Variants in ZBTB20 observed in about 807,000 individuals in gnomAD.
ZBTB20 encodes the protein zinc finger and BTB domain containing 20.
In ZBTB20, 9 loss-of-function variants were observed where a neutral mutation model predicts 56.9. The observed-to-expected ratio is 0.16, with a 90% CI of 0.10 to 0.28. ZBTB20 has a LOEUF of 0.28. Ranked by LOEUF, ZBTB20 falls within the 10% of genes least tolerant of loss-of-function variation. The pLI is 1.00. For synonymous variants in ZBTB20, 417 were observed against 420.7 expected (o/e 0.99, Z 0.11); for missense variants, 655 against 1,003.0 (o/e 0.65, Z 4.69).
rs1006090171 is a variant in ZBTB20 at position 114,515,823 on chromosome 3, T to C, written c.-294-15432A>G. Reference sequence around the variant, plus strand: ...TCAATTTTCCTACTGCCTGCCAACATGCTTTAGCTGTCTTCATTTAAGGTA... The same window carrying C: ...TCAATTTTCCTACTGCCTGCCAACACGCTTTAGCTGTCTTCATTTAAGGTA... On this transcript the variant is annotated intron_variant, in intron 6 of 11. Transcript: ENST00000675478. Among the ~76,000 whole-genome samples, 6 of 152,180 alleles carry C rather than the reference T, an allele frequency of 3.9e-5. No homozygotes were observed. The East Asian group carries it at 1.2e-3, about 29-fold the overall frequency.
At chr3:114,542,490 T>A (rs2049233650) in intron 6 of ZBTB20, among the ~76,000 whole-genome samples, 1 of 152,114 alleles carries the variant, frequency 6.6e-6, no homozygotes, top group Admixed American at 6.6e-5. Flanking sequence ...AGTAAACAGC[T>A]AAGGCAGGAT....
At chr3:115,057,076 A>T (rs1422669001) in intron 2 of ZBTB20, among the ~76,000 whole-genome samples, 1 of 152,114 alleles carries the variant, frequency 6.6e-6, no homozygotes, top group African/African-American at 2.4e-5. Context: ...ATTATTATAG[A>T]GTCAAAACAG....
chr3:115,053,568 T>A (rs928788180), intron 2 of ZBTB20, among the ~76,000 whole-genome samples: 2 of 152,196 alleles, frequency 1.3e-5, no homozygotes, highest in Non-Finnish European at 2.9e-5. Context: ...AATTTCTTTT[T>A]TAAATGAATG....
chr3:114,674,626 G>T (rs1334987583), intron 6 of ZBTB20, among the ~76,000 whole-genome samples: 1 of 152,078 alleles, frequency 6.6e-6, no homozygotes, highest in Non-Finnish European at 1.5e-5. Context: ...AAATTATTTT[G>T]TAAAATGTGA....
At chr3:114,476,575 A>G (rs1043184529) in intron 7 of ZBTB20, among the ~76,000 whole-genome samples, 5 of 152,180 alleles carry the variant, frequency 3.3e-5, no homozygotes, top group African/African-American at 1.2e-4. Context: ...AGGGCAAGAG[A>G]GCACAAAAGC....
chr3:114,507,582 T>A (rs1318348527), intron 6 of ZBTB20, among the ~76,000 whole-genome samples: 1 of 152,138 alleles, frequency 6.6e-6, no homozygotes, highest in Non-Finnish European at 1.5e-5. Context: ...AATATGCAAG[T>A]GGTAAATAAT....
At chr3:114,472,691 A>G (rs1201559178) in intron 7 of ZBTB20, among the ~76,000 whole-genome samples, 2 of 142,016 alleles carry the variant, frequency 1.4e-5, no homozygotes, top group Non-Finnish European at 3.0e-5. Flanking sequence ...CTGGACAACA[A>G]GAGCGAAACT....
chr3:114,750,725 T>C (rs2067493149), intron 5 of ZBTB20, among the ~76,000 whole-genome samples: 1 of 152,176 alleles, frequency 6.6e-6, no homozygotes, highest in African/African-American at 2.4e-5. Context: ...GTATTGTGAA[T>C]CTCTGCAGCC....
chr3:114,421,482 G>A (rs1339138904), intron 7 of ZBTB20, among the ~76,000 whole-genome samples: 1 of 152,178 alleles, frequency 6.6e-6, no homozygotes, highest in African/African-American at 2.4e-5. Flanking sequence ...ATGAGCCGAC[G>A]TTTTGTAAAG....
In ZBTB20 at chr3:114,325,429, ATC is replaced by A. The variant is rs1377481466; in HGVS notation, c.*13574_*13575del. ...TTGAACTATTATTTTATTTTCAGTG[ATC>A]TCTCTGTACACTCCTCTCGGGCCCG... On this transcript the variant is annotated 3_prime_UTR_variant, in exon 12 of 12. Coordinates refer to ENST00000675478, the MANE Select transcript of ZBTB20 (RefSeq NM_001348800.3). The A allele has an allele frequency of 2.6e-5, 4 of 152,182 alleles. No individual in the cohort carries two copies. The highest frequency in any genetic ancestry group is 9.6e-5 in the African/African-American group (4 of 41,454). The allele number at this position is 152,182 out of a possible 1,614,324, so 9.4% of individuals were successfully genotyped here. A position where few individuals can be genotyped will look rare whatever the true frequency, so the allele number is the denominator to read the frequency against.
At chr3:114,871,677 G>A (rs2076017323) in intron 4 of ZBTB20, among the ~76,000 whole-genome samples, 2 of 152,144 alleles carry the variant, frequency 1.3e-5, no homozygotes, top group African/African-American at 4.8e-5. Flanking sequence ...ATCAAGTGTG[G>A]AGTGGGGCTG....
intron 2 of ZBTB20, among the ~76,000 whole-genome samples, chr3:115,030,059 A>G (rs985378088): frequency 6.6e-6 from 1 of 151,106 alleles, no homozygotes; most frequent in South Asian, 2.1e-4. Flanking sequence ...GGACCTGGGA[A>G]AAACAACTAG....
At chr3:115,048,000 C>T (rs940078054) in intron 2 of ZBTB20, among the ~76,000 whole-genome samples, 9 of 151,608 alleles carry the variant, frequency 5.9e-5, no homozygotes, top group Admixed American at 6.6e-5. Context: ...GCAGGCAGAA[C>T]ACGAGGTCAG....
intron 3 of ZBTB20, among the ~76,000 whole-genome samples, chr3:114,921,768 A>T (rs1461137040): frequency 6.6e-6 from 1 of 151,368 alleles, no homozygotes. Context: ...AATGTAAATG[A>T]TGAGTTAATG....
chr3:115,096,253 T>G (rs1270135623), intron 1 of ZBTB20, among the ~76,000 whole-genome samples: 1 of 152,220 alleles, frequency 6.6e-6, no homozygotes, highest in Non-Finnish European at 1.5e-5. Context: ...ACTGTTTCTA[T>G]GTAGGTAATA....
chr3:114,778,083 T>C (rs1430994760), intron 5 of ZBTB20, among the ~76,000 whole-genome samples: 1 of 96,770 alleles, frequency 1.0e-5, no homozygotes, highest in African/African-American at 4.1e-5. Context: ...CATCACACAC[T>C]GGGGACTGTT....
rs150721389 is a variant in ZBTB20 at position 114,692,086 on chromosome 3, G to A, written c.-295+1442C>T. Among the ~76,000 whole-genome samples, 638 of 152,196 alleles carry A rather than the reference G, an allele frequency of 4.2e-3. 3 individuals carry two copies. Among genetic ancestry groups the A allele is most frequent in the African/African-American group, 0.015 (608 of 41,524 alleles). ...AAACATAAAGAGCTTTCTCTGTGTT[G>A]GACAGCAATAGGGAAGAAACTGGCT... On this transcript the variant is annotated intron_variant, in intron 6 of 11. Coordinates refer to ENST00000675478, the MANE Select transcript of ZBTB20 (RefSeq NM_001348800.3).
intron 11 of ZBTB20, among the ~76,000 whole-genome samples, chr3:114,344,835 C>A (rs1399777829): frequency 6.6e-6 from 1 of 152,200 alleles, no homozygotes; most frequent in Admixed American, 6.5e-5. Context: ...ACACTGAATT[C>A]ATGGCTGAAA....
chr3:115,058,164 C>T (rs964545192), intron 2 of ZBTB20, among the ~76,000 whole-genome samples: 4 of 152,036 alleles, frequency 2.6e-5, no homozygotes, highest in East Asian at 1.9e-4. Flanking sequence ...CTACAATTCC[C>T]GATGAGATTT....
Sources: gnomAD v4.1 joint callset for allele counts (sites outside exome capture counted in the v4.1 genomes callset) on GRCh38, gnomAD v4.1.1 for gene constraint, MANE v1.5 for transcripts, NCBI Gene and HGNC (gene_info 2026-07-23, HGNC 2026-07-21) for gene names.